Variants in ARHGAP28 observed in about 807,000 individuals in gnomAD.
The protein encoded by ARHGAP28 is Rho GTPase activating protein 28.
In ARHGAP28, 56 loss-of-function variants were observed where a neutral mutation model predicts 90.7. That is an observed-to-expected ratio of 0.62 (90% confidence interval 0.50 to 0.77). ARHGAP28 has a LOEUF of 0.77. ARHGAP28 is among the 30% of genes least tolerant of loss of function. The pLI is 0.00. For synonymous variants in ARHGAP28, 308 were observed against 323.3 expected (o/e 0.95, Z 0.51); for missense variants, 869 against 900.9 (o/e 0.96, Z 0.45).
intron 16 of ARHGAP28, among the ~76,000 whole-genome samples, chr18:6,904,578 T>G (rs2057355356): frequency 6.6e-6 from 1 of 151,334 alleles, no homozygotes; most frequent in Non-Finnish European, 1.5e-5. Context: ...AAGGAACAAA[T>G]AAATAAAGAT....
intron 10 of ARHGAP28, among the ~76,000 whole-genome samples, chr18:6,876,590 G>A (rs900599129): frequency 9.2e-5 from 14 of 152,174 alleles, no homozygotes; most frequent in Admixed American, 1.3e-4. Context: ...ACCTTAGTTT[G>A]TTGTGCTCCT....
At chr18:6,910,995 T>TGC (rs1567991721) in intron 17 of ARHGAP28, among the ~76,000 whole-genome samples, 9 of 151,412 alleles carry the variant, frequency 5.9e-5, no homozygotes, top group East Asian at 2.0e-4. Context: ...CAGGCGCCCA[T>TGC]CACCACGCCC....
At chr18:6,797,747 C>T (rs543606294) in intron 1 of ARHGAP28, among the ~76,000 whole-genome samples, 5 of 152,122 alleles carry the variant, frequency 3.3e-5, no homozygotes, top group Admixed American at 6.5e-5. Flanking sequence ...CTGCAAACTC[C>T]GCCTCCCGGG....
At chr18:6,898,801 A>G in intron 16 of ARHGAP28, 1 of 1,175,584 alleles carries the variant, frequency 8.5e-7, no homozygotes, top group African/African-American at 1.6e-5. Context: ...ACCAAACATC[A>G]TATGTTCTCA....
At chr18:6,885,076 G>A (rs1200300064) in intron 11 of ARHGAP28, among the ~76,000 whole-genome samples, 1 of 152,182 alleles carries the variant, frequency 6.6e-6, no homozygotes, top group Non-Finnish European at 1.5e-5. Flanking sequence ...ATTATCTTCT[G>A]TGTAGCATTT....
intron 12 of ARHGAP28, among the ~76,000 whole-genome samples, chr18:6,889,338 A>C (rs2057246171): frequency 6.6e-6 from 1 of 152,184 alleles, no homozygotes; most frequent in Non-Finnish European, 1.5e-5. Context: ...TCAAAGTTGA[A>C]AAGCAATAGA....
chr18:6,779,545 A>G (rs1034874946), intron 1 of ARHGAP28, among the ~76,000 whole-genome samples: 2 of 152,202 alleles, frequency 1.3e-5, no homozygotes, highest in African/African-American at 4.8e-5. Context: ...TCAGAATTCT[A>G]CAAAGTTTCA....
chr18:6,813,276 G>C lies in ARHGAP28; in HGVS notation c.123-11486G>C, dbSNP rs184102644. Among the ~76,000 whole-genome samples, 87 of 152,284 alleles carry C rather than the reference G, an allele frequency of 5.7e-4. 1 individual carries two copies. The East Asian group carries it at 0.017, about 29-fold the overall frequency. ...GTTAACCTATGGGTAAACTTAAAAT[G>C]TCATTCATGTTTAATAGTGAATAGT... On this transcript the variant is annotated intron_variant, in intron 1 of 17. Coordinates refer to ENST00000383472, the MANE Select transcript of ARHGAP28 (RefSeq NM_001366230.1).
chr18:6,776,099 G>T (rs960790121), intron 1 of ARHGAP28, among the ~76,000 whole-genome samples: 1 of 152,120 alleles, frequency 6.6e-6, no homozygotes, highest in African/African-American at 2.4e-5. Context: ...TTCTAAAGAC[G>T]AGTTTCTGGC....
At chr18:6,890,649 C>T (rs768660277) in intron 14 of ARHGAP28, 106 bp downstream of exon 14, 3 of 639,878 alleles carry the variant, frequency 4.7e-6, no homozygotes, top group Non-Finnish European at 7.9e-6. Context: ...TTTATATTCT[C>T]AAGGATCAGG....
intron 1 of ARHGAP28, among the ~76,000 whole-genome samples, chr18:6,775,126 A>G (rs2056273577): frequency 1.3e-5 from 2 of 152,276 alleles, no homozygotes; most frequent in South Asian, 2.1e-4. Flanking sequence ...ACATACAGCT[A>G]CCTTGTCAAT....
intron 7 of ARHGAP28, 21 bp from the exon 8 acceptor site, chr18:6,873,388 T>A: frequency 6.3e-7 from 1 of 1,589,024 alleles, no homozygotes; most frequent in Non-Finnish European, 8.5e-7. Flanking sequence ...AAAAAATAAA[T>A]ACCTTCACTG....
chr18:6,792,143 C>T (rs1283223336), intron 1 of ARHGAP28, among the ~76,000 whole-genome samples: 1 of 152,066 alleles, frequency 6.6e-6, no homozygotes, highest in Non-Finnish European at 1.5e-5. Flanking sequence ...TCATGGTTAC[C>T]TGGAGATGGA....
At chr18:6,835,898 T>C (rs1030565419) in intron 2 of ARHGAP28, among the ~76,000 whole-genome samples, 44 of 152,184 alleles carry the variant, frequency 2.9e-4, no homozygotes, top group Admixed American at 2.4e-3. Flanking sequence ...ATCCTTTTGT[T>C]ATTATTACTC....
chr18:6,818,817 G>T (rs986201900), intron 1 of ARHGAP28, among the ~76,000 whole-genome samples: 1 of 152,222 alleles, frequency 6.6e-6, no homozygotes. Context: ...CATGCCCAGT[G>T]CTAATGCCGT....
At chr18:6,904,258 G>T (rs2057353307) in intron 16 of ARHGAP28, among the ~76,000 whole-genome samples, 1 of 152,164 alleles carries the variant, frequency 6.6e-6, no homozygotes, top group Non-Finnish European at 1.5e-5. Context: ...GCTGGGCGTG[G>T]TGGCGGGCAC....
intron 3 of ARHGAP28, among the ~76,000 whole-genome samples, chr18:6,839,661 T>A (rs1355367422): frequency 6.6e-6 from 1 of 152,218 alleles, no homozygotes. Flanking sequence ...ACTTGCATTT[T>A]ATTTGGTGTT....
At chr18:6,881,989 A>T (rs1031930236) in intron 10 of ARHGAP28, 148 bp from the exon 11 acceptor site, 4 of 584,942 alleles carry the variant, frequency 6.8e-6, no homozygotes, top group Non-Finnish European at 1.1e-5. Flanking sequence ...TATTTGCCTT[A>T]ATCATGTTGA....
intron 1 of ARHGAP28, among the ~76,000 whole-genome samples, chr18:6,733,266 G>A (rs1323810138): frequency 6.6e-6 from 1 of 151,962 alleles, no homozygotes; most frequent in Non-Finnish European, 1.5e-5. Flanking sequence ...AAATTAATAT[G>A]TTTATTTTTA....
Sources: gnomAD v4.1 joint callset for allele counts (sites outside exome capture counted in the v4.1 genomes callset) on GRCh38, gnomAD v4.1.1 for gene constraint, MANE v1.5 for transcripts, NCBI Gene and HGNC (gene_info 2026-07-23, HGNC 2026-07-21) for gene names.